NT5DC3: variants seen among roughly 807,000 people sequenced by gnomAD.
The protein encoded by NT5DC3 is 5'-nucleotidase domain containing 3.
In NT5DC3, 42 loss-of-function variants were observed where a neutral mutation model predicts 67.8. That is an observed-to-expected ratio of 0.62 (90% confidence interval 0.48 to 0.80). The LOEUF is 0.80. Ranked by LOEUF, NT5DC3 falls within the 30% of genes least tolerant of loss-of-function variation. The probability of loss-of-function intolerance (pLI) is 0.00; values close to 1 mark genes in which losing one functional copy is unlikely to be tolerated. For missense variants in NT5DC3, 570 were observed against 696.4 expected (o/e 0.82, Z 2.04); for synonymous variants, 237 against 255.6 (o/e 0.93, Z 0.69).
intron 1 of NT5DC3, among the ~76,000 whole-genome samples, chr12:103,831,566 A>AAGAG (rs1395097746): frequency 6.6e-6 from 1 of 152,054 alleles, no homozygotes; most frequent in Non-Finnish European, 1.5e-5. Flanking sequence ...CAAAGACCAA[A>AAGAG]AGAGAGAAGT....
intron 1 of NT5DC3, among the ~76,000 whole-genome samples, chr12:103,826,209 A>G (rs544576107): frequency 6.6e-6 from 1 of 152,348 alleles, no homozygotes; most frequent in Admixed American, 6.5e-5. Context: ...GATCAAAACT[A>G]TTCTCATAGT....
chr12:103,823,510 G>A (rs558244148), intron 1 of NT5DC3, among the ~76,000 whole-genome samples: 1 of 151,888 alleles, frequency 6.6e-6, no homozygotes, highest in Non-Finnish European at 1.5e-5. Flanking sequence ...GCATTTTTTT[G>A]GTTTGTTTTC....
intron 9 of NT5DC3, among the ~76,000 whole-genome samples, chr12:103,790,293 TGA>T (rs998514670): frequency 2.0e-5 from 3 of 151,936 alleles, no homozygotes; most frequent in African/African-American, 4.8e-5. Context: ...TTTATTTTTT[TGA>T]GAGAGAGTCC....
chr12:103,762,701 A>C, the NT5DC3 span, among the ~76,000 whole-genome samples: 1 of 152,098 alleles, frequency 6.6e-6, no homozygotes, highest in Non-Finnish European at 1.5e-5. Flanking sequence ...ATTCACTAGG[A>C]CCTAGGAGTC....
At chr12:103,821,199 AGTAG>A (rs1173120676) in intron 1 of NT5DC3, among the ~76,000 whole-genome samples, 1 of 152,264 alleles carries the variant, frequency 6.6e-6, no homozygotes, top group Non-Finnish European at 1.5e-5. Flanking sequence ...GGGGTCCCCC[AGTAG>A]ACTCTGCAAG....
downstream of NT5DC3, among the ~76,000 whole-genome samples, chr12:103,771,782 C>G (rs531613681): frequency 1.4e-4 from 21 of 152,286 alleles, no homozygotes; most frequent in South Asian, 4.4e-3. Flanking sequence ...CTGGAAGCCC[C>G]AAGTGTCTTA....
chr12:103,839,098 T>G (rs1376933280), intron 1 of NT5DC3, among the ~76,000 whole-genome samples: 3 of 152,230 alleles, frequency 2.0e-5, no homozygotes, highest in Non-Finnish European at 2.9e-5. Context: ...TGTGCTCTCA[T>G]GCATGTGCAC....
intron 2 of NT5DC3, among the ~76,000 whole-genome samples, chr12:103,809,977 A>T (rs1316279639): frequency 1.3e-5 from 2 of 152,176 alleles, no homozygotes; most frequent in African/African-American, 4.8e-5. Flanking sequence ...TCTCATCTAC[A>T]AAGAAAAGAT....
At chr12:103,755,340 C>G in the NT5DC3 span, 1 of 1,614,110 alleles carries the variant, frequency 6.2e-7, no homozygotes, top group South Asian at 1.1e-5. Flanking sequence ...GGCTGGAGAC[C>G]GGGCGGGTTG....
chr12:103,828,574 C>A (rs1473341770), intron 1 of NT5DC3, among the ~76,000 whole-genome samples: 1 of 152,170 alleles, frequency 6.6e-6, no homozygotes, highest in Non-Finnish European at 1.5e-5. Context: ...AAAGAACACC[C>A]ACATCCCTAC....
At chr12:103,784,418 T>C (rs1885680910) in intron 12 of NT5DC3, among the ~76,000 whole-genome samples, 1 of 152,206 alleles carries the variant, frequency 6.6e-6, no homozygotes, top group South Asian at 2.1e-4. Flanking sequence ...GGCCTGCCAC[T>C]CATGGCCCTG....
the NT5DC3 span, chr12:103,763,552 C>T: frequency 3.7e-6 from 6 of 1,613,936 alleles, no homozygotes; most frequent in East Asian, 2.2e-5. Flanking sequence ...TATCTCGAAC[C>T]CCTTGTATGA....
At chr12:103,794,826 G>C (rs1006966652) in intron 6 of NT5DC3, among the ~76,000 whole-genome samples, 1 of 152,242 alleles carries the variant, frequency 6.6e-6, no homozygotes, top group Admixed American at 6.5e-5. Context: ...ATGTGGTCCA[G>C]GGAGAGGAAG....
At chr12:103,761,336 C>T in the NT5DC3 span, 1 of 1,614,112 alleles carries the variant, frequency 6.2e-7, no homozygotes, top group Non-Finnish European at 8.5e-7. Context: ...AGCCATTCTG[C>T]AGTGGGACAT....
chr12:103,828,334 A>G (rs1887779568), intron 1 of NT5DC3, among the ~76,000 whole-genome samples: 1 of 152,200 alleles, frequency 6.6e-6, no homozygotes, highest in Non-Finnish European at 1.5e-5. Context: ...ACTGAACTCT[A>G]TGACCTCCAG....
chr12:103,748,617 C>T, the NT5DC3 span, among the ~76,000 whole-genome samples: 12,879 of 43,520 alleles, frequency 0.3, 556 homozygotes, highest in Admixed American at 0.38. Context: ...CACACACACA[C>T]ACACACACAC....
chr12:103,784,171 T>C (rs2139311304), intron 12 of NT5DC3, among the ~76,000 whole-genome samples: 1 of 152,300 alleles, frequency 6.6e-6, no homozygotes. Flanking sequence ...AAGTAACTAT[T>C]AGTAGTGTAT....
the NT5DC3 span, among the ~76,000 whole-genome samples, chr12:103,749,795 G>A: frequency 7.6e-6 from 1 of 132,338 alleles, no homozygotes; most frequent in Non-Finnish European, 1.5e-5. Flanking sequence ...AGCCGAGATC[G>A]TGCCACTGCA....
intron 4 of NT5DC3, among the ~76,000 whole-genome samples, chr12:103,801,638 CCCAAAGTGCTGGGATTACAGGCACGAG>C (rs1370783335): frequency 6.6e-6 from 1 of 152,096 alleles, no homozygotes; most frequent in Non-Finnish European, 1.5e-5. Flanking sequence ...GCCTCAGCCT[CCCAAAGTGCTGGGATTACAGGCACGAG>C]CCACAGTGCC....
Sources: allele counts gnomAD v4.1 joint callset (sites outside exome capture counted in the v4.1 genomes callset), GRCh38; gene constraint gnomAD v4.1.1; transcripts MANE v1.5; gene names NCBI Gene and HGNC (gene_info 2026-07-23, HGNC 2026-07-21).